Variants in DDAH1 observed in about 807,000 individuals in gnomAD.
DDAH1 encodes the protein dimethylarginine dimethylaminohydrolase 1.
DDAH1 carries 19 observed loss-of-function variants against 28.8 expected under a neutral mutation model. The observed-to-expected ratio is 0.66, with a 90% CI of 0.46 to 0.97. The LOEUF (loss-of-function observed/expected upper bound fraction) is 0.97, where lower values mean the gene tolerates loss of function less well. DDAH1 is among the 50% of genes least tolerant of loss of function. The probability of loss-of-function intolerance (pLI) is 0.00; values close to 1 mark genes in which losing one functional copy is unlikely to be tolerated. For synonymous variants in DDAH1, 153 were observed against 154.4 expected, an observed-to-expected ratio of 0.99 and a Z score of 0.07; for missense variants, 326 against 375.9, an observed-to-expected ratio of 0.87 and a Z score of 1.10.
chr1:85,331,950 G>A (rs928486849), intron 4 of DDAH1, among the ~76,000 whole-genome samples: 13 of 152,214 alleles, frequency 8.5e-5, no homozygotes, highest in African/African-American at 3.1e-4. Context: ...GGAGCCCAGA[G>A]AGGGTCCCTA....
At chr1:85,399,566 C>G (rs1290958431) in intron 1 of DDAH1, 2 of 152,254 alleles carry the variant, frequency 1.3e-5, no homozygotes, top group Non-Finnish European at 2.9e-5. Context: ...GACTAAAAAT[C>G]AAAATGGAGT....
At chr1:85,553,770 A>G (rs1160328636) in intron 1 of DDAH1, among the ~76,000 whole-genome samples, 1 of 152,212 alleles carries the variant, frequency 6.6e-6, no homozygotes, top group Non-Finnish European at 1.5e-5. Context: ...ACTGTGAGGC[A>G]ATGGGCCACT....
At position 85,472,688 on chromosome 1, in the gene DDAH1, T is replaced by C. The variant is rs566937392; in HGVS notation, c.-7+23478A>G. ...ATGTTGAGTTTTAACAAGTTTGTGATGTATTATGGTAATAAGCAGAGGTGA... is the reference window on the plus strand; with the variant it reads ...ATGTTGAGTTTTAACAAGTTTGTGACGTATTATGGTAATAAGCAGAGGTGA... On this transcript the variant is annotated intron_variant, in intron 2 of 6. Transcript: ENST00000426972. Among the ~76,000 whole-genome samples the C allele has an allele frequency of 4.6e-5, 7 of 152,366 alleles. No individual in the cohort carries two copies. The South Asian group carries it at 1.4e-3, about 32-fold the overall frequency.
intron 1 of DDAH1, among the ~76,000 whole-genome samples, chr1:85,569,749 G>A (rs147504154): frequency 0.012 from 1,898 of 152,296 alleles, 22 homozygotes; most frequent in Middle Eastern, 0.054. Flanking sequence ...CAAAATAGCA[G>A]AGCAATGAAA....
intron 1 of DDAH1, among the ~76,000 whole-genome samples, chr1:85,460,154 T>C (rs910901576): frequency 5.9e-5 from 9 of 152,218 alleles, no homozygotes; most frequent in African/African-American, 1.7e-4. Context: ...AAACTTGGCA[T>C]TTGTTAGCTA....
intron 1 of DDAH1, among the ~76,000 whole-genome samples, chr1:85,507,856 A>G (rs1657079948): frequency 6.6e-6 from 1 of 152,218 alleles, no homozygotes; most frequent in Non-Finnish European, 1.5e-5. Flanking sequence ...AATATCTCAA[A>G]TTCAGATTCT....
rs7516348 is a variant in DDAH1 at position 85,528,358 on chromosome 1, G to A, written c.-122-32077C>T. On this transcript the variant is annotated intron_variant, in intron 1 of 6. Coordinates refer to the DDAH1 transcript ENST00000426972. ...CAGACTCACCAATGGGTCATGACCC[G>A]GAGTTTGGAAAATACTGCTTTACCA... is the stretch of plus-strand genomic sequence containing the variant. Among the ~76,000 whole-genome samples, 755 of 152,068 alleles carry A rather than the reference G, an allele frequency of 5.0e-3. 6 individuals are homozygous for A. The highest frequency in any genetic ancestry group is 0.017 in the African/African-American group (719 of 41,496).
intron 2 of DDAH1, among the ~76,000 whole-genome samples, chr1:85,485,248 A>G (rs1051874427): frequency 8.5e-5 from 13 of 152,206 alleles, no homozygotes; most frequent in African/African-American, 3.1e-4. Flanking sequence ...CATATGATAA[A>G]CAATTGCATG....
At chr1:85,396,270 A>G (rs1651809705) in intron 1 of DDAH1, among the ~76,000 whole-genome samples, 1 of 152,192 alleles carries the variant, frequency 6.6e-6, no homozygotes, top group Admixed American at 6.5e-5. Context: ...TGAAGAAAAG[A>G]GGTTTACTTG....
intron 2 of DDAH1, among the ~76,000 whole-genome samples, chr1:85,491,451 G>A (rs17392043): frequency 6.6e-6 from 1 of 152,122 alleles, no homozygotes. Flanking sequence ...TAGAACTGCT[G>A]TTAGGATGAG....
Position 85,396,448 on chromosome 1 carries a change from A to AG in DDAH1, c.304-37602dup, listed in dbSNP as rs149683705. On this transcript the variant is annotated intron_variant, in intron 1 of 5. Coordinates refer to ENST00000284031, the MANE Select transcript of DDAH1 (RefSeq NM_012137.4). ...GCTCTTTTAAACAACCAGCTCTCAC[A>AG]GGAACTAATAGAATGGAAACTCACT... Among the ~76,000 whole-genome samples the AG allele has an allele frequency of 9.0e-4, 137 of 152,236 alleles. 3 individuals carry two copies. In the East Asian group the frequency reaches 0.025, roughly 28 times the overall value.
chr1:85,569,628 C>G (rs1659395545), intron 1 of DDAH1, among the ~76,000 whole-genome samples: 1 of 152,204 alleles, frequency 6.6e-6, no homozygotes, highest in African/African-American at 2.4e-5. Flanking sequence ...CTGGCCCCAG[C>G]TTTCAGGGCT....
At chr1:85,503,689 C>A (rs566687128) in intron 1 of DDAH1, among the ~76,000 whole-genome samples, 2 of 152,160 alleles carry the variant, frequency 1.3e-5, no homozygotes, top group Admixed American at 6.5e-5. Context: ...CCAATAAACA[C>A]ACAAACTAAC....
At position 85,449,520 on chromosome 1, in the gene DDAH1, T is replaced by C. The variant is rs375605126; in HGVS notation, c.303+15223A>G. ...ACCTATTGAACAAGGGACACTTTAT[T>C]TCTTCTAATAGCCAGATGGCTTCCA... On this transcript the variant is annotated intron_variant, in intron 1 of 5. Transcript: ENST00000284031. 2.0e-5 allele frequency among the ~76,000 whole-genome samples: 3 copies of C among 152,118 alleles called. No individual in the cohort carries two copies. In the East Asian group the frequency reaches 5.8e-4, roughly 29 times the overall value.
intron 1 of DDAH1, chr1:85,379,759 T>C: frequency 1.1e-6 from 1 of 939,696 alleles, no homozygotes; most frequent in Non-Finnish European, 1.3e-6. Flanking sequence ...ACTCAGTTAA[T>C]GTCATCACTG....
intron 1 of DDAH1, among the ~76,000 whole-genome samples, chr1:85,502,391 A>G (rs1353517796): frequency 6.6e-6 from 1 of 152,240 alleles, no homozygotes; most frequent in Non-Finnish European, 1.5e-5. Context: ...ACTGAAAAGT[A>G]AACACAACCA....
chr1:85,553,387 A>G (rs1658857110), intron 1 of DDAH1, among the ~76,000 whole-genome samples: 1 of 152,232 alleles, frequency 6.6e-6, no homozygotes, highest in South Asian at 2.1e-4. Flanking sequence ...TTTATTCCTA[A>G]AGCTAACCAG....
intron 1 of DDAH1, among the ~76,000 whole-genome samples, chr1:85,405,916 T>C (rs1246241016): frequency 3.9e-5 from 6 of 152,220 alleles, no homozygotes; most frequent in African/African-American, 1.2e-4. Flanking sequence ...CTAACACTTA[T>C]GTTGCCAACT....
intron 1 of DDAH1, among the ~76,000 whole-genome samples, chr1:85,496,486 T>C (rs3818958): frequency 0.054 from 8,255 of 152,264 alleles, 304 homozygotes; most frequent in African/African-American, 0.1. Context: ...TTCTTACTTG[T>C]TTACCCCTCA....
Sources: gnomAD v4.1 joint callset for allele counts (sites outside exome capture counted in the v4.1 genomes callset) on GRCh38, gnomAD v4.1.1 for gene constraint, MANE v1.5 for transcripts, NCBI Gene and HGNC (gene_info 2026-07-23, HGNC 2026-07-21) for gene names.